Variants in CSGALNACT1 observed in about 807,000 individuals in gnomAD.
CSGALNACT1 encodes chondroitin sulfate N-acetylgalactosaminyltransferase 1.
In CSGALNACT1, 52 loss-of-function variants were observed where a neutral mutation model predicts 51.0. That is an observed-to-expected ratio of 1.02 (90% confidence interval 0.82 to 1.29). The LOEUF (loss-of-function observed/expected upper bound fraction) is 1.29, where lower values mean the gene tolerates loss of function less well. Among genes scored for constraint, CSGALNACT1 ranks in the 50% most tolerant of loss-of-function variants. The pLI is 0.00. For missense variants in CSGALNACT1, 935 were observed against 679.2 expected, an observed-to-expected ratio of 1.38 and a Z score of -4.19; for synonymous variants, 341 against 254.4, an observed-to-expected ratio of 1.34 and a Z score of -3.24.
intron 4 of CSGALNACT1, among the ~76,000 whole-genome samples, chr8:19,465,894 CAGA>C (rs2066559578): frequency 6.6e-6 from 1 of 152,150 alleles, no homozygotes; most frequent in Admixed American, 6.6e-5. Context: ...TTTTCATATG[CAGA>C]AGAAGATAAC....
At chr8:19,662,658 C>G (rs2058860970) in intron 1 of CSGALNACT1, among the ~76,000 whole-genome samples, 1 of 152,138 alleles carries the variant, frequency 6.6e-6, no homozygotes, top group Non-Finnish European at 1.5e-5. Flanking sequence ...AACATCTGTG[C>G]CTGCTAAGTG....
intron 3 of CSGALNACT1, among the ~76,000 whole-genome samples, chr8:19,560,356 A>G (rs1453576243): frequency 6.6e-6 from 1 of 152,208 alleles, no homozygotes; most frequent in East Asian, 1.9e-4. Flanking sequence ...AAAAGGCACA[A>G]AAGGCAACAA....
chr8:19,650,955 C>G (rs1164117354), intron 1 of CSGALNACT1, among the ~76,000 whole-genome samples: 3 of 152,112 alleles, frequency 2.0e-5, no homozygotes, highest in Non-Finnish European at 2.9e-5. Context: ...CCAGATAATT[C>G]TAAGAGTTTA....
chr8:19,598,033 G>C (rs1339044234), intron 2 of CSGALNACT1, among the ~76,000 whole-genome samples: 1 of 152,212 alleles, frequency 6.6e-6, no homozygotes, highest in Non-Finnish European at 1.5e-5. Flanking sequence ...CTCAGGCATG[G>C]AGTGAGAATC....
intron 1 of CSGALNACT1, among the ~76,000 whole-genome samples, chr8:19,716,388 A>G (rs543851132): frequency 1.3e-5 from 2 of 152,086 alleles, no homozygotes; most frequent in African/African-American, 2.4e-5. Context: ...TTGGCTTTTT[A>G]TTACATATTT....
At chr8:19,561,615 C>T (rs560024814) in intron 3 of CSGALNACT1, among the ~76,000 whole-genome samples, 2 of 152,328 alleles carry the variant, frequency 1.3e-5, no homozygotes, top group Admixed American at 6.5e-5. Flanking sequence ...TTAAGATCCA[C>T]GTGCAGGCCT....
chr8:19,527,998 T>C (rs1452286994), intron 3 of CSGALNACT1, among the ~76,000 whole-genome samples: 5 of 152,058 alleles, frequency 3.3e-5, no homozygotes, highest in Admixed American at 6.6e-5. Context: ...GCTGAGTCTA[T>C]AGGAACTCCA....
chr8:19,555,682 A>C (rs4601324), intron 3 of CSGALNACT1, among the ~76,000 whole-genome samples: 35 of 152,100 alleles, frequency 2.3e-4, no homozygotes, highest in Non-Finnish European at 2.8e-4. Context: ...TTCAGACTTC[A>C]CTTAGCATGT....
chr8:19,550,044 C>A (rs866711275), intron 3 of CSGALNACT1, among the ~76,000 whole-genome samples: 7 of 152,138 alleles, frequency 4.6e-5, no homozygotes, highest in Non-Finnish European at 1.0e-4. Flanking sequence ...GTGCTGGGCA[C>A]TTAATGTACT....
chr8:19,650,297 G>T (rs2057681802), intron 1 of CSGALNACT1, among the ~76,000 whole-genome samples: 1 of 152,164 alleles, frequency 6.6e-6, no homozygotes, highest in Admixed American at 6.5e-5. Flanking sequence ...GCTAGACAAA[G>T]AAATAGATTT....
chr8:19,709,464 C>T (rs368843098), intron 1 of CSGALNACT1, among the ~76,000 whole-genome samples: 7 of 152,108 alleles, frequency 4.6e-5, no homozygotes, highest in East Asian at 1.9e-4. Context: ...GGATGTCATG[C>T]TTTGGGTTAG....
chr8:19,457,819 G>GA (rs1414575112), intron 5 of CSGALNACT1: 1 of 1,350,670 alleles, frequency 7.4e-7, no homozygotes, highest in Non-Finnish European at 9.8e-7. Context: ...CAGCAGGCCT[G>GA]AAAAATGAAA....
intron 3 of CSGALNACT1, among the ~76,000 whole-genome samples, chr8:19,536,734 A>C (rs2083830201): frequency 6.6e-6 from 1 of 152,216 alleles, no homozygotes; most frequent in South Asian, 2.1e-4. Context: ...GAAGTGGGAG[A>C]AATCAGTCTA....
At chr8:19,601,419 G>T (rs1005585219) in intron 2 of CSGALNACT1, among the ~76,000 whole-genome samples, 1 of 152,112 alleles carries the variant, frequency 6.6e-6, no homozygotes, top group African/African-American at 2.4e-5. Context: ...ATTTCCAATG[G>T]GAGAACAAAT....
chr8:19,476,927 A>G (rs922975750), intron 4 of CSGALNACT1, among the ~76,000 whole-genome samples: 1 of 152,160 alleles, frequency 6.6e-6, no homozygotes, highest in Admixed American at 6.5e-5. Flanking sequence ...TGAGGTCCCG[A>G]GCCTGCTGGG....
Position 19,734,351 on chromosome 8 carries a change from G to A in CSGALNACT1, c.-297+23499C>T, listed in dbSNP as rs201918830. The stretch of plus-strand genomic sequence containing the variant: ...AGTCTCAGCCAATCACAGCAGCCAA[G>A]CTTCAGCCAATCACAGGCTGCCAAT... On this transcript the variant is annotated intron_variant, in intron 1 of 1. Transcript: ENST00000517494. Among the ~76,000 whole-genome samples the A allele has an allele frequency of 2.0e-5, 3 of 152,292 alleles. No individual in the cohort carries two copies. The East Asian group carries it at 5.8e-4, about 29-fold the overall frequency.
intron 1 of CSGALNACT1, among the ~76,000 whole-genome samples, chr8:19,608,990 T>C (rs1297464579): frequency 6.6e-6 from 1 of 152,150 alleles, no homozygotes; most frequent in Non-Finnish European, 1.5e-5. Flanking sequence ...TTTTTCTGTA[T>C]CAATTTCTGA....
chr8:19,444,061 G>A (rs997874228), intron 5 of CSGALNACT1, among the ~76,000 whole-genome samples: 5 of 152,174 alleles, frequency 3.3e-5, no homozygotes, highest in African/African-American at 1.2e-4. Context: ...TGGCACTCAG[G>A]TGGTAATGCT....
intron 4 of CSGALNACT1, among the ~76,000 whole-genome samples, chr8:19,497,053 G>C (rs139848001): frequency 1.9e-3 from 286 of 152,244 alleles, no homozygotes; most frequent in Middle Eastern, 3.4e-3. Flanking sequence ...TCTCACCTTA[G>C]GGAACTGGTG....
Sources: allele counts gnomAD v4.1 joint callset (sites outside exome capture counted in the v4.1 genomes callset), GRCh38; gene constraint gnomAD v4.1.1; transcripts MANE v1.5; gene names NCBI Gene and HGNC (gene_info 2026-07-23, HGNC 2026-07-21).